THSD7A: variants seen among roughly 807,000 people sequenced by gnomAD.
The protein encoded by THSD7A is thrombospondin type 1 domain containing 7A, also known as thrombospondin type-1 domain-containing protein 7A.
In THSD7A, 96 loss-of-function variants were observed where a neutral mutation model predicts 231.3. That is an observed-to-expected ratio of 0.41 (90% CI 0.35 to 0.49). The LOEUF is 0.49. Ranked by LOEUF, THSD7A falls within the 20% of genes least tolerant of loss-of-function variation. The pLI is 0.05. For synonymous variants in THSD7A, 940 were observed against 743.3 expected (o/e 1.26, Z -4.30); for missense variants, 2,290 against 2,070.2 (o/e 1.11, Z -2.06).
At chr7:11,498,217 C>A (rs1410368955) in intron 6 of THSD7A, among the ~76,000 whole-genome samples, 1 of 152,212 alleles carries the variant, frequency 6.6e-6, no homozygotes, top group Admixed American at 6.5e-5. Flanking sequence ...ATAAGACCCA[C>A]TGGCTTGGAA....
intron 6 of THSD7A, among the ~76,000 whole-genome samples, chr7:11,519,160 TA>T (rs199565988): frequency 0.026 from 3,805 of 147,894 alleles, 66 homozygotes; most frequent in Non-Finnish European, 0.039. Context: ...AGTAATGTTC[TA>T]AAAAAATGTA....
intron 1 of THSD7A, among the ~76,000 whole-genome samples, chr7:11,674,728 G>A (rs1457248674): frequency 6.6e-6 from 1 of 152,130 alleles, no homozygotes; most frequent in East Asian, 1.9e-4. Context: ...AGGAATCAGT[G>A]CAAGAAATCC....
intron 1 of THSD7A, among the ~76,000 whole-genome samples, chr7:11,804,665 C>A (rs928127318): frequency 6.6e-6 from 1 of 152,144 alleles, no homozygotes; most frequent in South Asian, 2.1e-4. Flanking sequence ...CTATTCCTAG[C>A]TAATGATTAA....
intron 1 of THSD7A, among the ~76,000 whole-genome samples, chr7:11,797,827 C>A (rs888199113): frequency 6.6e-5 from 10 of 151,902 alleles, no homozygotes; most frequent in African/African-American, 2.2e-4. Flanking sequence ...GACATCACTC[C>A]CATTAATGGC....
intron 11 of THSD7A, among the ~76,000 whole-genome samples, chr7:11,447,685 AT>A (rs1258693359): frequency 1.3e-5 from 2 of 152,086 alleles, no homozygotes; most frequent in Non-Finnish European, 2.9e-5. Flanking sequence ...ACCAGTTTTA[AT>A]TATATGTATT....
intron 5 of THSD7A, among the ~76,000 whole-genome samples, chr7:11,541,901 G>C (rs1185900381): frequency 1.3e-5 from 2 of 151,362 alleles, no homozygotes; most frequent in Non-Finnish European, 2.9e-5. Flanking sequence ...ATGTCATATA[G>C]TACCCATCTC....
intron 1 of THSD7A, among the ~76,000 whole-genome samples, chr7:11,680,488 C>G (rs1464570812): frequency 6.6e-6 from 1 of 152,108 alleles, no homozygotes; most frequent in African/African-American, 2.4e-5. Flanking sequence ...CTACAAGCAA[C>G]TTAAACAAAT....
intron 13 of THSD7A, among the ~76,000 whole-genome samples, chr7:11,430,371 T>A (rs934062361): frequency 6.6e-6 from 1 of 152,184 alleles, no homozygotes; most frequent in Non-Finnish European, 1.5e-5. Context: ...TTCCCCTTCC[T>A]CATCCCCTGA....
At chr7:11,558,861 A>C (rs1789958236) in intron 4 of THSD7A, among the ~76,000 whole-genome samples, 1 of 152,196 alleles carries the variant, frequency 6.6e-6, no homozygotes, top group Admixed American at 6.6e-5. Context: ...AGATGTGATT[A>C]AAGGTTTAAA....
chr7:11,481,378 G>C (rs1323076159), intron 7 of THSD7A, among the ~76,000 whole-genome samples: 2 of 151,898 alleles, frequency 1.3e-5, no homozygotes, highest in African/African-American at 4.8e-5. Context: ...CTTTATGATT[G>C]GATATATATA....
At chr7:11,454,674 T>C (rs1367573152) in intron 11 of THSD7A, among the ~76,000 whole-genome samples, 1 of 151,926 alleles carries the variant, frequency 6.6e-6, no homozygotes, top group Non-Finnish European at 1.5e-5. Context: ...TCTACCATAC[T>C]AAGTTAACTG....
At chr7:11,616,634 C>T (rs1487649502) in intron 2 of THSD7A, among the ~76,000 whole-genome samples, 1 of 152,138 alleles carries the variant, frequency 6.6e-6, no homozygotes, top group East Asian at 1.9e-4. Context: ...AAGTAGTTCC[C>T]TTTCTTCTTG....
rs530034200 is a variant in THSD7A, at chr7:11,642,492, T to C, written c.191-5531A>G. ...TACTCAGTATCATACAAAGCACTTC[T>C]ACAATGTGGGTCAATAAACATGTGC... On this transcript the variant is annotated intron_variant, in intron 1 of 27. Transcript: ENST00000423059. Among the ~76,000 whole-genome samples, 9 of 152,282 alleles carry C rather than the reference T, an allele frequency of 5.9e-5. No homozygotes were observed. The Middle Eastern group carries it at 0.014, about 230-fold the overall frequency.
At chr7:11,471,853 T>C (rs939926086) in intron 8 of THSD7A, among the ~76,000 whole-genome samples, 1 of 152,132 alleles carries the variant, frequency 6.6e-6, no homozygotes, top group Non-Finnish European at 1.5e-5. Flanking sequence ...TTTGGAACTA[T>C]GAAATTATTG....
At chr7:11,658,742 C>T (rs551693291) in intron 1 of THSD7A, among the ~76,000 whole-genome samples, 4 of 151,696 alleles carry the variant, frequency 2.6e-5, no homozygotes, top group African/African-American at 7.2e-5. Context: ...CGATTTCTTG[C>T]GGTTTTCATG....
chr7:11,626,179 T>G (rs575598111), intron 2 of THSD7A, among the ~76,000 whole-genome samples: 148 of 152,240 alleles, frequency 9.7e-4, no homozygotes, highest in African/African-American at 3.5e-3. Flanking sequence ...TTTCCTCACT[T>G]AAAACAAAAA....
At chr7:11,569,218 G>A (rs1218707905) in intron 4 of THSD7A, among the ~76,000 whole-genome samples, 4 of 151,982 alleles carry the variant, frequency 2.6e-5, no homozygotes, top group African/African-American at 4.8e-5. Flanking sequence ...GCACAGTAAG[G>A]GAAATAATCA....
intron 6 of THSD7A, among the ~76,000 whole-genome samples, chr7:11,529,268 A>G (rs1306322915): frequency 6.6e-6 from 1 of 152,136 alleles, no homozygotes; most frequent in South Asian, 2.1e-4. Context: ...ATTTTATTAT[A>G]TATTTATTTT....
In THSD7A at chr7:11,764,409, G is replaced by A. The variant is rs1023787221; in HGVS notation, c.190+67348C>T. ...ATCCTGGCTAACACGGTGAAACCCC[G>A]TCTCTACCAAAAATACAAAAAATTA... On this transcript the variant is annotated intron_variant, in intron 1 of 27. Transcript: ENST00000423059. 2.6e-5 allele frequency among the ~76,000 whole-genome samples: 4 copies of A among 151,816 alleles called. No individual in the cohort carries two copies. The East Asian group carries it at 5.8e-4, about 22-fold the overall frequency.
Sources: gnomAD v4.1 joint callset for allele counts (sites outside exome capture counted in the v4.1 genomes callset) on GRCh38, gnomAD v4.1.1 for gene constraint, MANE v1.5 for transcripts, NCBI Gene and HGNC (gene_info 2026-07-23, HGNC 2026-07-21) for gene names.